The following LRBA variants were observed in gnomAD, a reference collection of about 807,000 sequenced individuals.
LRBA encodes LPS responsive beige-like anchor protein, also known as lipopolysaccharide-responsive and beige-like anchor protein.
LRBA carries 176 observed loss-of-function variants against 330.0 expected under a neutral mutation model. The ratio of observed to expected loss-of-function variants is 0.53; its 90% CI spans 0.47 to 0.60. The LOEUF is 0.60. LRBA is among the 20% of genes least tolerant of loss of function. The pLI is 0.00. For missense variants in LRBA, 3,259 were observed against 3,444.8 expected (o/e 0.95, Z 1.35); for synonymous variants, 1,230 against 1,193.0 (o/e 1.03, Z -0.64).
intron 44 of LRBA, among the ~76,000 whole-genome samples, chr4:150,449,759 TAAG>T (rs1342216092): frequency 1.3e-5 from 2 of 152,106 alleles, no homozygotes; most frequent in Admixed American, 1.3e-4. Flanking sequence ...CTACCTGACA[TAAG>T]AAGAAGCATA....
At chr4:150,324,099 A>C (rs1200389260) in intron 49 of LRBA, among the ~76,000 whole-genome samples, 1 of 152,182 alleles carries the variant, frequency 6.6e-6, no homozygotes, top group African/African-American at 2.4e-5. Context: ...TCCCATCCTT[A>C]TATGAGCATG....
At chr4:150,629,913 G>A (rs1245614713) in intron 37 of LRBA, among the ~76,000 whole-genome samples, 2 of 152,184 alleles carry the variant, frequency 1.3e-5, no homozygotes, top group African/African-American at 2.4e-5. Flanking sequence ...GGAGGTTGCA[G>A]TAGCCAAGGC....
intron 47 of LRBA, among the ~76,000 whole-genome samples, chr4:150,357,029 A>G (rs1737936151): frequency 6.6e-6 from 1 of 152,038 alleles, no homozygotes; most frequent in Admixed American, 6.6e-5. Context: ...TGTATCAGAC[A>G]GTTTTAAAAA....
chr4:150,322,376 T>C (rs1732631938), intron 49 of LRBA, among the ~76,000 whole-genome samples: 2 of 152,220 alleles, frequency 1.3e-5, no homozygotes, highest in South Asian at 4.1e-4. Context: ...CATACAGTAA[T>C]TGCACTGTAC....
chr4:150,773,530 A>T (rs1289620359), intron 34 of LRBA, among the ~76,000 whole-genome samples: 1 of 152,242 alleles, frequency 6.6e-6, no homozygotes, highest in Admixed American at 6.5e-5. Context: ...TCTTCTGCAT[A>T]GGCCAAATAG....
intron 40 of LRBA, among the ~76,000 whole-genome samples, chr4:150,574,488 A>C (rs955117176): frequency 1.3e-5 from 2 of 152,032 alleles, no homozygotes; most frequent in African/African-American, 4.8e-5. Flanking sequence ...AGCAATTGAG[A>C]AAATAATGGA....
intron 36 of LRBA, among the ~76,000 whole-genome samples, chr4:150,711,556 C>T (rs1374663245): frequency 6.6e-6 from 1 of 152,064 alleles, no homozygotes; most frequent in East Asian, 1.9e-4. Flanking sequence ...AATTTGCAAC[C>T]ACAATATAAT....
At chr4:150,695,135 C>T (rs1784515376) in intron 36 of LRBA, among the ~76,000 whole-genome samples, 1 of 152,102 alleles carries the variant, frequency 6.6e-6, no homozygotes, top group South Asian at 2.1e-4. Flanking sequence ...ACACATCATA[C>T]ATCTGTTTGG....
intron 40 of LRBA, among the ~76,000 whole-genome samples, chr4:150,553,333 G>A (rs752591710): frequency 1.3e-5 from 2 of 151,980 alleles, no homozygotes; most frequent in Non-Finnish European, 2.9e-5. Flanking sequence ...GGGGGGAAGG[G>A]AGAGGGATAG....
chr4:150,693,389 C>T (rs867749059), intron 36 of LRBA, among the ~76,000 whole-genome samples: 5 of 151,138 alleles, frequency 3.3e-5, no homozygotes, highest in Admixed American at 2.0e-4. Context: ...CGGTGAAACC[C>T]CGTCTCTACT....
At chr4:150,504,177 T>C (rs1435790623) in intron 40 of LRBA, among the ~76,000 whole-genome samples, 1 of 152,188 alleles carries the variant, frequency 6.6e-6, no homozygotes, top group Non-Finnish European at 1.5e-5. Context: ...TGCAGGATAT[T>C]ATCCAGGAGA....
At chr4:150,606,304 G>GA (rs895703955) in intron 37 of LRBA, among the ~76,000 whole-genome samples, 15 of 151,506 alleles carry the variant, frequency 9.9e-5, no homozygotes, top group Non-Finnish European at 1.6e-4. Flanking sequence ...AGACATCTAG[G>GA]AAAAAAAACC....
chr4:150,461,835 C>T (rs2152050940), intron 44 of LRBA, among the ~76,000 whole-genome samples: 1 of 151,722 alleles, frequency 6.6e-6, no homozygotes, highest in South Asian at 2.1e-4. Context: ...AAAATAACTA[C>T]ACTGGTCAAC....
intron 40 of LRBA, among the ~76,000 whole-genome samples, chr4:150,538,395 A>G (rs1235399238): frequency 2.0e-5 from 3 of 152,222 alleles, no homozygotes; most frequent in Admixed American, 2.0e-4. Context: ...CTAGATGCCC[A>G]GCAACAGTGG....
intron 39 of LRBA, among the ~76,000 whole-genome samples, chr4:150,588,483 C>T (rs1205846289): frequency 6.6e-6 from 1 of 152,120 alleles, no homozygotes; most frequent in Non-Finnish European, 1.5e-5. Context: ...GTGGCTCTGC[C>T]TAAATAAGTC....
chr4:150,857,285 A>G (rs192947300), intron 22 of LRBA, among the ~76,000 whole-genome samples: 13 of 152,254 alleles, frequency 8.5e-5, no homozygotes, highest in Non-Finnish European at 4.4e-5. Context: ...ATGTATAACA[A>G]TGGTATAGGT....
At chr4:150,694,061 A>G (rs1784394279) in intron 36 of LRBA, among the ~76,000 whole-genome samples, 1 of 152,190 alleles carries the variant, frequency 6.6e-6, no homozygotes, top group South Asian at 2.1e-4. Flanking sequence ...AAACAAATCA[A>G]AGAACGACAT....
intron 48 of LRBA, among the ~76,000 whole-genome samples, chr4:150,339,025 G>A (rs1735129855): frequency 6.6e-6 from 1 of 151,128 alleles, no homozygotes; most frequent in African/African-American, 2.4e-5. Flanking sequence ...TAGAATTCAG[G>A]AATCTTAAGC....
intron 37 of LRBA, among the ~76,000 whole-genome samples, chr4:150,626,900 A>C (rs1776916189): frequency 6.6e-6 from 1 of 152,128 alleles, no homozygotes; most frequent in African/African-American, 2.4e-5. Flanking sequence ...TCTTTTTTAA[A>C]AGATAATATT....
Sources: allele counts gnomAD v4.1 joint callset (sites outside exome capture counted in the v4.1 genomes callset), GRCh38; gene constraint gnomAD v4.1.1; transcripts MANE v1.5; gene names NCBI Gene and HGNC (gene_info 2026-07-23, HGNC 2026-07-21).